The following MYO5B variants were observed in gnomAD, a reference collection of about 807,000 sequenced individuals.
MYO5B encodes unconventional myosin-Vb.
Under a neutral mutation model 229.3 loss-of-function variants are expected in MYO5B, and 143 were observed. The ratio of observed to expected loss-of-function variants is 0.62; its 90% CI spans 0.54 to 0.72. The LOEUF (loss-of-function observed/expected upper bound fraction) is 0.72, where lower values mean the gene tolerates loss of function less well. MYO5B is among the 30% of genes least tolerant of loss of function. The pLI is 0.00. For synonymous variants in MYO5B, 918 were observed against 885.2 expected, an observed-to-expected ratio of 1.04 and a Z score of -0.66; for missense variants, 2,321 against 2,331.0, an observed-to-expected ratio of 1.00 and a Z score of 0.09.
At chr18:50,027,511 C>CGCTAACTG (rs1254046639) in intron 4 of MYO5B, among the ~76,000 whole-genome samples, 2 of 152,292 alleles carry the variant, frequency 1.3e-5, no homozygotes, top group Admixed American at 6.5e-5. Flanking sequence ...GAAGCTAGGA[C>CGCTAACTG]GCTAACTGGG....
chr18:49,903,164 CA>C (rs1238694663), intron 20 of MYO5B, among the ~76,000 whole-genome samples: 1 of 152,120 alleles, frequency 6.6e-6, no homozygotes, highest in Non-Finnish European at 1.5e-5. Context: ...ACCCATTTAC[CA>C]GGTGGAGGTC....
intron 30 of MYO5B, among the ~76,000 whole-genome samples, chr18:49,855,472 G>T (rs772896301): frequency 6.6e-6 from 1 of 152,166 alleles, no homozygotes; most frequent in Non-Finnish European, 1.5e-5. Flanking sequence ...GAGGCACGAG[G>T]AATCACCTGG....
chr18:49,853,724 A>G, intron 30 of MYO5B, 77 bp from the exon 31 acceptor site: 1 of 1,372,668 alleles, frequency 7.3e-7, no homozygotes, highest in Admixed American at 1.9e-5. Flanking sequence ...CAGAAACATA[A>G]CAGGGGAGCA....
chr18:50,189,143 C>T (rs879336683), intron 1 of MYO5B, among the ~76,000 whole-genome samples: 13 of 152,310 alleles, frequency 8.5e-5, no homozygotes, highest in African/African-American at 2.6e-4. Context: ...GGGGCCAAAG[C>T]CCTTGAGATT....
intron 1 of MYO5B, among the ~76,000 whole-genome samples, chr18:50,061,169 C>A (rs543526212): frequency 6.6e-6 from 1 of 152,192 alleles, no homozygotes; most frequent in Non-Finnish European, 1.5e-5. Context: ...GTCAAGTGTG[C>A]GGGCTCTAGA....
intron 1 of MYO5B, among the ~76,000 whole-genome samples, chr18:50,157,083 T>G (rs2032690372): frequency 7.1e-6 from 1 of 140,182 alleles, no homozygotes; most frequent in Non-Finnish European, 1.6e-5. Flanking sequence ...GATATCCTTT[T>G]TGTTTTGTTT....
intron 1 of MYO5B, among the ~76,000 whole-genome samples, chr18:50,193,524 A>T (rs1370265272): frequency 1.3e-5 from 2 of 152,258 alleles, no homozygotes; most frequent in Non-Finnish European, 2.9e-5. Context: ...CACATGGGCT[A>T]GACAGCCGCG....
At position 50,057,425 on chromosome 18, in the gene MYO5B, G is replaced by A. The variant is rs185143510; in HGVS notation, c.28-2047C>T. 4.6e-5 allele frequency among the ~76,000 whole-genome samples: 7 copies of A among 152,348 alleles called. No homozygotes were observed. The East Asian group carries it at 1.2e-3, about 25-fold the overall frequency. On this transcript the variant is annotated intron_variant, in intron 1 of 39. Coordinates refer to ENST00000285039, the MANE Select transcript of MYO5B (RefSeq NM_001080467.3). ...TAACAGAATGAGGAATAACCAGAAAGGAACAGGAAAATCCCAACAGGAACC... is the reference window on the plus strand; with the variant it reads ...TAACAGAATGAGGAATAACCAGAAAAGAACAGGAAAATCCCAACAGGAACC...
chr18:49,962,017 C>T (rs912146063), intron 12 of MYO5B, among the ~76,000 whole-genome samples: 5 of 152,174 alleles, frequency 3.3e-5, no homozygotes, highest in African/African-American at 1.2e-4. Context: ...TATGCCAACC[C>T]GTGCCACCCA....
intron 1 of MYO5B, among the ~76,000 whole-genome samples, chr18:50,153,403 C>A (rs1045558540): frequency 2.0e-5 from 3 of 152,098 alleles, no homozygotes; most frequent in African/African-American, 7.2e-5. Context: ...TAGATGGAAT[C>A]TATTCTTATA....
At chr18:50,082,777 A>C (rs1044981296) in intron 1 of MYO5B, among the ~76,000 whole-genome samples, 3 of 152,226 alleles carry the variant, frequency 2.0e-5, no homozygotes, top group Admixed American at 2.0e-4. Flanking sequence ...TGCAAATTTG[A>C]GGAAGAAAAC....
intron 21 of MYO5B, among the ~76,000 whole-genome samples, chr18:49,901,177 C>G (rs1488187383): frequency 6.6e-6 from 1 of 152,214 alleles, no homozygotes; most frequent in Non-Finnish European, 1.5e-5. Context: ...CCTTATGATA[C>G]AGCATGCGAC....
intron 2 of MYO5B, among the ~76,000 whole-genome samples, chr18:50,055,013 C>T (rs560792467): frequency 1.3e-5 from 2 of 152,274 alleles, no homozygotes; most frequent in East Asian, 1.9e-4. Context: ...ACTGAAGATT[C>T]CTGCCTTGAT....
At chr18:49,935,830 G>C (rs1407236902) in intron 16 of MYO5B, among the ~76,000 whole-genome samples, 1 of 152,246 alleles carries the variant, frequency 6.6e-6, no homozygotes, top group Non-Finnish European at 1.5e-5. Context: ...AGATGGGAAT[G>C]TGAGAAACAG....
At chr18:49,963,400 T>TTTAATTTAA (rs1555647581) in intron 10 of MYO5B, among the ~76,000 whole-genome samples, 5 of 147,498 alleles carry the variant, frequency 3.4e-5, no homozygotes, top group African/African-American at 7.5e-5. Flanking sequence ...ACTTATTTAA[T>TTTAATTTAA]TTAATTAATT....
At chr18:49,837,038 C>T (rs1479587358) in intron 37 of MYO5B, among the ~76,000 whole-genome samples, 153 bp from the exon 38 acceptor site, 1 of 152,174 alleles carries the variant, frequency 6.6e-6, no homozygotes, top group East Asian at 1.9e-4. Context: ...CACTCAGGAA[C>T]TATTTGTTGA....
At chr18:50,089,085 G>C (rs2031391637) in intron 1 of MYO5B, among the ~76,000 whole-genome samples, 1 of 152,140 alleles carries the variant, frequency 6.6e-6, no homozygotes, top group Admixed American at 6.5e-5. Context: ...TGGAGCTCAA[G>C]TTATAGGAAC....
At chr18:50,167,920 A>C in intron 1 of MYO5B, among the ~76,000 whole-genome samples, 1 of 152,228 alleles carries the variant, frequency 6.6e-6, no homozygotes, top group East Asian at 1.9e-4. Context: ...ATTCACCATA[A>C]AGGCCACTGC....
At chr18:49,902,953 C>T (rs2024860079) in intron 20 of MYO5B, 120 bp from the exon 21 acceptor site, 4 of 1,264,060 alleles carry the variant, frequency 3.2e-6, no homozygotes, top group East Asian at 2.5e-5. Context: ...AGGAGTTACA[C>T]AGACAATGTG....
Sources: gnomAD v4.1 joint callset for allele counts (sites outside exome capture counted in the v4.1 genomes callset) on GRCh38, gnomAD v4.1.1 for gene constraint, MANE v1.5 for transcripts, NCBI Gene and HGNC (gene_info 2026-07-23, HGNC 2026-07-21) for gene names.